DEPTOR: variants seen among roughly 807,000 people sequenced by gnomAD.
DEPTOR encodes DEP domain-containing mTOR-interacting protein.
In DEPTOR, 41 loss-of-function variants were observed where a neutral mutation model predicts 41.6. The observed-to-expected ratio is 0.98, with a 90% CI of 0.77 to 1.28. The LOEUF (loss-of-function observed/expected upper bound fraction) is 1.28. Ranked by LOEUF, DEPTOR falls within the 50% of genes most tolerant of loss-of-function variation. The pLI is 0.00. For synonymous variants in DEPTOR, 195 were observed against 192.3 expected (o/e 1.01, Z -0.12); for missense variants, 514 against 527.9 (o/e 0.97, Z 0.26).
rs188377125 is a variant in DEPTOR, at chr8:119,951,376, T to A, written c.426-13856T>A. On this transcript the variant is annotated intron_variant, in intron 3 of 8. Transcript: ENST00000286234. The stretch of plus-strand genomic sequence containing the variant: ...AAGCACTTGGTTTCTCTCCTTCTTA[T>A]ATAATTTTGTGGTGATGAAACCATA... Among the ~76,000 whole-genome samples, 337 of 152,272 alleles carry A rather than the reference T, an allele frequency of 2.2e-3. 1 individual carries two copies. Among genetic ancestry groups the A allele is most frequent in the African/African-American group, 7.8e-3 (324 of 41,560 alleles).
rs145909452 is a variant in DEPTOR at position 119,952,292 on chromosome 8, C to G, written c.426-12940C>G. On this transcript the variant is annotated intron_variant, in intron 3 of 8. Transcript: ENST00000286234. ...CCATTTAAAATAGTCCCACTATCTC[C>G]ATTGACACTTTATATGAATGACAGC... Among the ~76,000 whole-genome samples, 70 of 152,318 alleles carry G rather than the reference C, an allele frequency of 4.6e-4. 1 individual carries two copies. In the East Asian group the frequency reaches 0.013, roughly 28 times the overall value.
intron 4 of DEPTOR, among the ~76,000 whole-genome samples, chr8:119,981,970 T>C (rs1298247177): frequency 7.8e-6 from 1 of 128,496 alleles, no homozygotes; most frequent in Non-Finnish European, 1.6e-5. Flanking sequence ...GCCAAGATCA[T>C]GCCACTGCAC....
chr8:119,948,870 C>G (rs1304808923), intron 3 of DEPTOR, among the ~76,000 whole-genome samples: 1 of 152,150 alleles, frequency 6.6e-6, no homozygotes, highest in African/African-American at 2.4e-5. Flanking sequence ...TCACTGCAAC[C>G]TCCACCTCCC....
chr8:120,015,408 G>A (rs1006397930), intron 8 of DEPTOR, among the ~76,000 whole-genome samples: 2 of 152,112 alleles, frequency 1.3e-5, no homozygotes, highest in Admixed American at 6.5e-5. Context: ...TTAGGCTGCC[G>A]ATTAGAATTG....
At chr8:120,026,639 C>T (rs563504628) in intron 8 of DEPTOR, among the ~76,000 whole-genome samples, 116 of 151,930 alleles carry the variant, frequency 7.6e-4, no homozygotes, top group African/African-American at 2.5e-3. Context: ...CACTGCACCC[C>T]GCCAAGCATC....
intron 1 of DEPTOR, among the ~76,000 whole-genome samples, chr8:119,925,447 A>C (rs1027892857): frequency 2.0e-4 from 30 of 151,954 alleles, no homozygotes; most frequent in Non-Finnish European, 3.8e-4. Flanking sequence ...AACAAAAAAA[A>C]CCCATCAGAT....
Position 120,001,602 on chromosome 8 carries a change from A to T in DEPTOR, c.682A>T (p.Met228Leu). 3 of 1,613,924 alleles carry T rather than the reference A, an allele frequency of 1.9e-6. No homozygotes were observed. Among genetic ancestry groups the T allele is most frequent in the South Asian group, 1.1e-5 (1 of 91,056 alleles). Residue 228 changes from methionine (M) to leucine (L), a missense_variant, in exon 5 of 9, where the codon ATG becomes TTG. Met to Leu is a conservative substitution (Grantham distance 15). Coordinates refer to ENST00000286234, the MANE Select transcript of DEPTOR (RefSeq NM_022783.4). Reference protein sequence around the residue: ...RMNFRRRRRLMELLNEKSPSS... With the variant: ...RMNFRRRRRLLELLNEKSPSS... ...GAACTTCCGGCGGAGGCGAAGACTG[A>T]TGGAGCTGCTCAATGAAAAGTCCCC...
chr8:119,875,897 T>C (rs997010461), intron 1 of DEPTOR, among the ~76,000 whole-genome samples: 2 of 152,138 alleles, frequency 1.3e-5, no homozygotes, highest in Non-Finnish European at 2.9e-5. Context: ...GGGGGAATTG[T>C]AAGGAGAGTT....
chr8:119,943,879 C>T (rs1828235029), intron 3 of DEPTOR, among the ~76,000 whole-genome samples: 2 of 151,942 alleles, frequency 1.3e-5, no homozygotes, highest in South Asian at 4.2e-4. Flanking sequence ...GTTTTGTTGC[C>T]CAGGCTGGAG....
At chr8:119,979,919 G>A (rs1302869364) in intron 4 of DEPTOR, among the ~76,000 whole-genome samples, 2 of 152,130 alleles carry the variant, frequency 1.3e-5, no homozygotes, top group Non-Finnish European at 2.9e-5. Flanking sequence ...TGGGATGGGG[G>A]AGATAGTGTG....
intron 8 of DEPTOR, among the ~76,000 whole-genome samples, chr8:120,027,032 A>G (rs1216933276): frequency 6.6e-6 from 1 of 151,970 alleles, no homozygotes; most frequent in African/African-American, 2.4e-5. Context: ...CAGCCTGGCC[A>G]ACATGGAGAA....
chr8:119,951,527 T>C (rs892245034), intron 3 of DEPTOR, among the ~76,000 whole-genome samples: 1 of 152,206 alleles, frequency 6.6e-6, no homozygotes, highest in Admixed American at 6.5e-5. Flanking sequence ...ATGTGAAAAT[T>C]ACAACTTTCC....
chr8:120,009,613 T>G (rs529700858), intron 8 of DEPTOR, among the ~76,000 whole-genome samples: 98 of 151,580 alleles, frequency 6.5e-4, no homozygotes, highest in Non-Finnish European at 1.3e-3. Flanking sequence ...ACTCTGTCTC[T>G]AAAACAAAAC....
At chr8:119,992,578 A>G (rs1225354922) in intron 4 of DEPTOR, among the ~76,000 whole-genome samples, 2 of 151,746 alleles carry the variant, frequency 1.3e-5, no homozygotes, top group Non-Finnish European at 2.9e-5. Flanking sequence ...CTGTTGTGTT[A>G]TATCATTTAT....
intron 3 of DEPTOR, among the ~76,000 whole-genome samples, chr8:119,949,843 C>G (rs1214549478): frequency 6.6e-6 from 1 of 152,004 alleles, no homozygotes; most frequent in Non-Finnish European, 1.5e-5. Context: ...CCATGCCCAG[C>G]TAATTTTTGT....
At chr8:119,880,387 A>G (rs1827284063) in intron 1 of DEPTOR, among the ~76,000 whole-genome samples, 1 of 152,126 alleles carries the variant, frequency 6.6e-6, no homozygotes, top group Non-Finnish European at 1.5e-5. Context: ...AATTGAGGAA[A>G]AGATCATTTA....
At chr8:119,947,115 C>T (rs1828289186) in intron 3 of DEPTOR, among the ~76,000 whole-genome samples, 1 of 152,130 alleles carries the variant, frequency 6.6e-6, no homozygotes, top group Admixed American at 6.6e-5. Flanking sequence ...TATTATTGTC[C>T]TCATTATGTA....
chr8:119,874,198 T>G (rs916386621), intron 1 of DEPTOR: 1 of 605,760 alleles, frequency 1.7e-6, no homozygotes, highest in African/African-American at 2.0e-5. Flanking sequence ...GACGAGCGGG[T>G]GGTGCGCGCT....
intron 8 of DEPTOR, among the ~76,000 whole-genome samples, chr8:120,011,075 C>A (rs73705879): frequency 0.013 from 2,041 of 152,260 alleles, 52 homozygotes; most frequent in African/African-American, 0.046. Context: ...CCTAGAGTAG[C>A]AATAAGCATG....
Sources: allele counts gnomAD v4.1 joint callset (sites outside exome capture counted in the v4.1 genomes callset), GRCh38; gene constraint gnomAD v4.1.1; transcripts MANE v1.5; gene names NCBI Gene and HGNC (gene_info 2026-07-23, HGNC 2026-07-21).